ARHGAP5: variants seen among roughly 807,000 people sequenced by gnomAD.
The protein encoded by ARHGAP5 is rho GTPase-activating protein 5.
A neutral mutation model predicts 116.6 loss-of-function variants in ARHGAP5; 23 were observed. The ratio of observed to expected loss-of-function variants is 0.20; its 90% CI spans 0.14 to 0.28. ARHGAP5 has a LOEUF of 0.28. Among genes scored for constraint, ARHGAP5 ranks in the 10% least tolerant of loss-of-function variants. The pLI, the probability that ARHGAP5 is intolerant of heterozygous loss-of-function variation, is 1.00. For missense variants in ARHGAP5, 1,405 were observed against 1,774.8 expected, an observed-to-expected ratio of 0.79 and a Z score of 3.74; for synonymous variants, 574 against 602.0, an observed-to-expected ratio of 0.95 and a Z score of 0.68.
At chr14:32,149,753 A>G (rs1881555283) in intron 4 of ARHGAP5, 149 bp from the exon 5 acceptor site, 1 of 382,212 alleles carries the variant, frequency 2.6e-6, no homozygotes, top group Admixed American at 4.8e-5. Context: ...AGCTGGGGCA[A>G]CAAAAGTAAA....
chr14:32,081,600 T>C (rs1024674785), intron 1 of ARHGAP5, among the ~76,000 whole-genome samples: 2 of 150,570 alleles, frequency 1.3e-5, no homozygotes, highest in African/African-American at 4.9e-5. Flanking sequence ...TTGTACCTTA[T>C]GAGCCAGAGT....
In ARHGAP5 at chr14:32,090,986, C is replaced by T; in HGVS notation, c.317C>T (p.Pro106Leu). Residue 106 changes from proline (P) to leucine (L), a missense_variant, in exon 2 of 7, where the codon CCT (proline) becomes CTT (leucine). Around this residue, in one of 6 missense-constraint regions of ARHGAP5, gnomAD observed 190 missense variants for 314.9 expected, o/e 0.60. Coordinates refer to ENST00000345122, the MANE Select transcript of ARHGAP5 (RefSeq NM_001030055.2). ...TEFIDDQTFLPHRSTNLQPYI... is the reference protein window; with the variant it reads ...TEFIDDQTFLLHRSTNLQPYI... Reference sequence around the variant, plus strand: ...TTCATTGATGACCAGACTTTCTTGCCTCATCGGAGTACGAATTTGCAACCA... The same window carrying T: ...TTCATTGATGACCAGACTTTCTTGCTTCATCGGAGTACGAATTTGCAACCA... 1 of 1,613,614 alleles carries T rather than the reference C, an allele frequency of 6.2e-7. No individual in the cohort carries two copies. Among genetic ancestry groups the T allele is most frequent in the Non-Finnish European group, 8.5e-7 (1 of 1,179,652 alleles).
chr14:32,126,153 C>T (rs1446252822), intron 3 of ARHGAP5, among the ~76,000 whole-genome samples: 2 of 152,136 alleles, frequency 1.3e-5, no homozygotes, highest in East Asian at 1.9e-4. Context: ...AAAGAGCACA[C>T]GCTTGTCTTG....
Position 32,077,415 on chromosome 14 carries a change from G to A in ARHGAP5, c.-189G>A. ...GGGCCGCTGCCGTTGAGGAGGAGAC[G>A]GAGGAGACCGACGTTGTTAGGTAGG... On this transcript the variant is annotated 5_prime_UTR_variant, in exon 1 of 7. Coordinates refer to ENST00000345122, the MANE Select transcript of ARHGAP5 (RefSeq NM_001030055.2). 1.4e-6 allele frequency: 1 copy of A among 706,564 alleles called. No homozygotes were observed. The highest frequency in any genetic ancestry group is 2.6e-6 in the Non-Finnish European group (1 of 387,324). The allele number at this position is 706,564 out of a possible 1,614,324, so 43.8% of individuals were successfully genotyped here. A position where few individuals can be genotyped will look rare whatever the true frequency, so the allele number is the denominator to read the frequency against.
intron 3 of ARHGAP5, among the ~76,000 whole-genome samples, chr14:32,119,120 A>AT (rs1339006771): frequency 1.3e-5 from 2 of 152,068 alleles, no homozygotes; most frequent in African/African-American, 4.8e-5. Flanking sequence ...ATATTGTTTG[A>AT]TTTTATTACT....
At chr14:32,108,201 T>C (rs1322982748) in intron 2 of ARHGAP5, among the ~76,000 whole-genome samples, 1 of 152,088 alleles carries the variant, frequency 6.6e-6, no homozygotes, top group Non-Finnish European at 1.5e-5. Context: ...GTAGAGACAA[T>C]GGATGTAGAT....
intron 2 of ARHGAP5, among the ~76,000 whole-genome samples, chr14:32,116,011 G>C (rs901599593): frequency 2.0e-5 from 3 of 151,024 alleles, no homozygotes; most frequent in Non-Finnish European, 4.4e-5. Context: ...AAAGCTACTG[G>C]GCGCAGTAGC....
chr14:32,091,783 G>A lies in ARHGAP5; in HGVS notation c.1114G>A (p.Ala372Thr). The change falls in exon 2 of 7, where the codon GCA becomes ACA. Residue 372 changes from alanine (A) to threonine (T), a missense_variant. This residue lies in a region of ARHGAP5 where 944 missense variants were observed against 1,095.3 expected (regional missense o/e 0.86). Coordinates refer to ENST00000345122, the MANE Select transcript of ARHGAP5 (RefSeq NM_001030055.2). ...AGCTTTGAAGTTAATGGAAAAGAGA[G>A]CAGATTTCCAGTTATGTTTTGTGGT... ...SEALKLMEKR[A>T]DFQLCFVVLE... is the part of the protein sequence containing the mutation. 6.2e-7 allele frequency: 1 copy of A among 1,613,646 alleles called. No homozygotes were observed. The highest frequency in any genetic ancestry group is 8.5e-7 in the Non-Finnish European group (1 of 1,179,654).
chr14:32,143,276 T>C (rs1881221497), intron 3 of ARHGAP5, among the ~76,000 whole-genome samples: 1 of 151,840 alleles, frequency 6.6e-6, no homozygotes, highest in South Asian at 2.1e-4. Context: ...GGAGACTTGC[T>C]CTTTCGCCCA....
intron 2 of ARHGAP5, among the ~76,000 whole-genome samples, chr14:32,107,383 G>A (rs973871430): frequency 6.6e-6 from 1 of 152,152 alleles, no homozygotes; most frequent in African/African-American, 2.4e-5. Context: ...AAATGAAACT[G>A]TTACCATAAA....
chr14:32,149,545 G>A (rs1250007020), intron 4 of ARHGAP5, among the ~76,000 whole-genome samples: 3 of 151,988 alleles, frequency 2.0e-5, no homozygotes, highest in Admixed American at 2.0e-4. Flanking sequence ...TGAGGCAGGT[G>A]GATCACCTGA....
At chr14:32,147,782 C>CGT (rs372106331) in intron 4 of ARHGAP5, among the ~76,000 whole-genome samples, 11 of 151,718 alleles carry the variant, frequency 7.3e-5, no homozygotes, top group African/African-American at 1.5e-4. Flanking sequence ...TATTGAGTGG[C>CGT]GTGTGTGTGT....
chr14:32,137,761 C>G (rs1262674906), intron 3 of ARHGAP5, among the ~76,000 whole-genome samples: 1 of 152,036 alleles, frequency 6.6e-6, no homozygotes, highest in Non-Finnish European at 1.5e-5. Context: ...TACCTGAGGT[C>G]AGGAGTTCGA....
rs9671266 is a variant in ARHGAP5 at position 32,113,535 on chromosome 14, G to T, written c.3718-3605G>T. On this transcript the variant is annotated intron_variant, in intron 2 of 6. Coordinates refer to ENST00000345122, the MANE Select transcript of ARHGAP5 (RefSeq NM_001030055.2). ...GCTAGCTCTGAATCTTGGTGTAACTGCAGATTTAAATAATTTGCCCTTATA... is the reference window on the plus strand; with the variant it reads ...GCTAGCTCTGAATCTTGGTGTAACTTCAGATTTAAATAATTTGCCCTTATA... Among the ~76,000 whole-genome samples the T allele has an allele frequency of 1.8e-3, 277 of 152,278 alleles. 5 individuals carry two copies. The highest frequency in any genetic ancestry group is 0.017 in the Admixed American group (255 of 15,290).
rs1276199015 is a variant in ARHGAP5, at chr14:32,157,948, ATAAT to A, written c.*3002_*3005del. ...GTGATTTTTAGTTTTTTATACAGTA[ATAAT>A]TGTGATGCTATTTGTCAACTGGATA... On this transcript the variant is annotated 3_prime_UTR_variant, in exon 7 of 7. Coordinates refer to ENST00000345122, the MANE Select transcript of ARHGAP5 (RefSeq NM_001030055.2). The A allele has an allele frequency of 6.6e-6, 1 of 151,652 alleles. No homozygotes were observed. The highest frequency in any genetic ancestry group is 2.4e-5 in the African/African-American group (1 of 41,398). 9.4% of individuals were successfully genotyped at this position (151,652 alleles called of 1,614,324 possible). A position where few individuals can be genotyped will look rare whatever the true frequency, so the allele number is the denominator to read the frequency against.
chr14:32,098,089 G>A (rs896567084), intron 2 of ARHGAP5, among the ~76,000 whole-genome samples: 1 of 152,156 alleles, frequency 6.6e-6, no homozygotes, highest in African/African-American at 2.4e-5. Context: ...AAGTTTTTAA[G>A]AAATTTCACA....
intron 2 of ARHGAP5, among the ~76,000 whole-genome samples, chr14:32,099,815 C>A (rs1878707363): frequency 6.6e-6 from 1 of 152,152 alleles, no homozygotes; most frequent in Non-Finnish European, 1.5e-5. Flanking sequence ...ACCTGGAAAA[C>A]CATAGCTTTT....
At chr14:32,094,416 A>G (rs373145385) in intron 2 of ARHGAP5, 30 bp downstream of exon 2, 133 of 1,490,336 alleles carry the variant, frequency 8.9e-5, no homozygotes, top group Non-Finnish European at 1.0e-4. Flanking sequence ...AGTGATGTTT[A>G]TAAAAATGCT....
chr14:32,134,476 C>A (rs1325733359), intron 3 of ARHGAP5, among the ~76,000 whole-genome samples: 1 of 152,144 alleles, frequency 6.6e-6, no homozygotes, highest in Admixed American at 6.5e-5. Context: ...TACTTCATCC[C>A]TATCAGCTTT....
Sources: gnomAD v4.1 joint callset for allele counts (sites outside exome capture counted in the v4.1 genomes callset) on GRCh38, gnomAD v4.1.1 for gene constraint, gnomAD v4.1.1 regional missense constraint, MANE v1.5 for transcripts, NCBI Gene and HGNC (gene_info 2026-07-23, HGNC 2026-07-21) for gene names.